AGBL4: variants seen among roughly 807,000 people sequenced by gnomAD.
AGBL4 encodes the protein cytosolic carboxypeptidase 6.
A neutral mutation model predicts 66.4 loss-of-function variants in AGBL4; 58 were observed. The observed-to-expected ratio is 0.87, with a 90% confidence interval of 0.71 to 1.09. The LOEUF (loss-of-function observed/expected upper bound fraction) is 1.09, where lower values mean the gene tolerates loss of function less well. Among genes scored for constraint, AGBL4 ranks in the 50% least tolerant of loss-of-function variants. AGBL4 has a pLI of 0.00. For synonymous variants in AGBL4, 234 were observed against 222.9 expected (o/e 1.05, Z -0.44); for missense variants, 579 against 631.0 (o/e 0.92, Z 0.88).
chr1:49,760,652 C>T (rs1465365005), intron 2 of AGBL4, among the ~76,000 whole-genome samples: 1 of 152,046 alleles, frequency 6.6e-6, no homozygotes, highest in African/African-American at 2.4e-5. Flanking sequence ...ACCACTTGAC[C>T]CAGGAATCCC....
intron 2 of AGBL4, among the ~76,000 whole-genome samples, chr1:49,718,687 T>G (rs1005900164): frequency 6.6e-6 from 1 of 152,066 alleles, no homozygotes; most frequent in African/African-American, 2.4e-5. Context: ...TGGCTTATTT[T>G]CTATTAAACT....
Position 48,587,110 on chromosome 1 carries a change from G to C in AGBL4, c.1161C>G (p.Leu387=). ...AGGAAGTGTGGTCCAGGAGTCCACCGAGGAAGCGACGGCCAGTTCCTGCTT... is the reference window on the plus strand; with the variant it reads ...AGGAAGTGTGGTCCAGGAGTCCACCCAGGAAGCGACGGCCAGTTCCTGCTT... ...AVKAGTGRRF[L]GGLLDHTSYC... Residue 387 remains leucine, a synonymous_variant, in exon 11 of 14, where the codon CTC becomes CTG. Coordinates refer to ENST00000371839, the MANE Select transcript of AGBL4 (RefSeq NM_032785.4). The C allele has an allele frequency of 6.3e-7, 1 of 1,579,456 alleles. No homozygotes were observed. The highest frequency in any genetic ancestry group is 8.6e-7 in the Non-Finnish European group (1 of 1,162,882).
chr1:48,797,467 C>A (rs2148737935), intron 6 of AGBL4, among the ~76,000 whole-genome samples: 1 of 152,286 alleles, frequency 6.6e-6, no homozygotes, highest in East Asian at 1.9e-4. Flanking sequence ...TGAGAACATA[C>A]AATGTTTGAT....
At chr1:48,940,354 G>A (rs1400092390) in intron 5 of AGBL4, among the ~76,000 whole-genome samples, 1 of 152,074 alleles carries the variant, frequency 6.6e-6, no homozygotes, top group Non-Finnish European at 1.5e-5. Context: ...CTCCAACCTG[G>A]GCAACAAGAG....
At chr1:48,583,026 G>A (rs1229614274) in intron 11 of AGBL4, among the ~76,000 whole-genome samples, 1 of 152,144 alleles carries the variant, frequency 6.6e-6, no homozygotes, top group Non-Finnish European at 1.5e-5. Context: ...GTATCCTCTA[G>A]CTAATTAGTC....
intron 5 of AGBL4, among the ~76,000 whole-genome samples, chr1:48,886,543 T>G (rs1321571058): frequency 2.0e-5 from 3 of 152,036 alleles, no homozygotes; most frequent in Non-Finnish European, 4.4e-5. Context: ...CCACAAATTG[T>G]TTTTTATTTT....
intron 1 of AGBL4, among the ~76,000 whole-genome samples, chr1:49,915,756 G>C (rs1651389080): frequency 1.3e-5 from 2 of 152,170 alleles, no homozygotes; most frequent in African/African-American, 4.8e-5. Flanking sequence ...CCAGCAAGGA[G>C]TCTGAGATCT....
intron 2 of AGBL4, among the ~76,000 whole-genome samples, chr1:49,741,296 T>A (rs905304924): frequency 6.6e-6 from 1 of 151,864 alleles, no homozygotes; most frequent in Non-Finnish European, 1.5e-5. Flanking sequence ...AACTAGAAAA[T>A]CTAGAAGAAA....
intron 3 of AGBL4, among the ~76,000 whole-genome samples, chr1:49,509,008 C>T (rs1232033563): frequency 6.6e-6 from 1 of 151,620 alleles, no homozygotes; most frequent in Non-Finnish European, 1.5e-5. Context: ...GGATAAGATA[C>T]CCAAACACCC....
chr1:49,218,843 T>C (rs757062271), intron 4 of AGBL4, among the ~76,000 whole-genome samples: 20 of 152,038 alleles, frequency 1.3e-4, no homozygotes, highest in Non-Finnish European at 2.5e-4. Flanking sequence ...ACCACTCTCA[T>C]GACAGGGAAT....
At chr1:49,313,336 C>T (rs147539293) in intron 3 of AGBL4, among the ~76,000 whole-genome samples, 8 of 152,150 alleles carry the variant, frequency 5.3e-5, no homozygotes, top group Middle Eastern at 3.4e-3. Flanking sequence ...AGTAAACATA[C>T]GTGTGCATGT....
chr1:49,503,482 G>A, intron 3 of AGBL4, among the ~76,000 whole-genome samples: 1 of 152,092 alleles, frequency 6.6e-6, no homozygotes, highest in East Asian at 1.9e-4. Flanking sequence ...ACCCCACAAT[G>A]GTAGATCCAT....
chr1:49,207,058 T>A (rs74076685), intron 4 of AGBL4, among the ~76,000 whole-genome samples: 3,805 of 152,182 alleles, frequency 0.025, 144 homozygotes, highest in African/African-American at 0.083. Context: ...GAAAATAAAA[T>A]TCTAGCATAA....
At chr1:49,896,119 G>C (rs1406013655) in intron 1 of AGBL4, among the ~76,000 whole-genome samples, 1 of 151,924 alleles carries the variant, frequency 6.6e-6, no homozygotes. Flanking sequence ...CAAGACAAAA[G>C]CTGTAAGACA....
chr1:48,686,652 C>T (rs141406748), intron 6 of AGBL4, among the ~76,000 whole-genome samples: 2,063 of 152,274 alleles, frequency 0.014, 24 homozygotes, highest in South Asian at 0.05. Context: ...GCCAGGGCCC[C>T]CAAGGAGCTG....
chr1:49,193,157 G>A (rs1228270411), intron 4 of AGBL4, among the ~76,000 whole-genome samples: 8 of 151,240 alleles, frequency 5.3e-5, no homozygotes, highest in African/African-American at 1.7e-4. Context: ...TAAAGAACCA[G>A]TTTTTCATTT....
chr1:49,953,086 G>A (rs1286354663), intron 1 of AGBL4, among the ~76,000 whole-genome samples: 7 of 151,800 alleles, frequency 4.6e-5, no homozygotes, highest in African/African-American at 1.7e-4. Context: ...CATAAAAGAA[G>A]AATGATAGCC....
intron 3 of AGBL4, among the ~76,000 whole-genome samples, chr1:49,600,972 CT>C (rs1644946789): frequency 6.6e-6 from 1 of 152,124 alleles, no homozygotes; most frequent in South Asian, 2.1e-4. Flanking sequence ...ACTTTCTTGG[CT>C]TGTGAGGTTT....
At chr1:49,513,998 A>C (rs1266283213) in intron 3 of AGBL4, among the ~76,000 whole-genome samples, 1 of 151,886 alleles carries the variant, frequency 6.6e-6, no homozygotes, top group Admixed American at 6.6e-5. Flanking sequence ...ATGGGAGTTC[A>C]CTCATGATTT....
Sources: allele counts gnomAD v4.1 joint callset (sites outside exome capture counted in the v4.1 genomes callset), GRCh38; gene constraint gnomAD v4.1.1; transcripts MANE v1.5; gene names NCBI Gene and HGNC (gene_info 2026-07-23, HGNC 2026-07-21).